The following B3GNT3 variants were observed in gnomAD, a reference collection of about 807,000 sequenced individuals.
B3GNT3 encodes UDP-GlcNAc:betaGal beta-1,3-N-acetylglucosaminyltransferase 3, also known as N-acetyllactosaminide beta-1,3-N-acetylglucosaminyltransferase 3.
B3GNT3 carries 7 observed loss-of-function variants against 11.6 expected under a neutral mutation model. The ratio of observed to expected loss-of-function variants is 0.60; its 90% CI spans 0.34 to 1.13. The LOEUF (loss-of-function observed/expected upper bound fraction) is 1.13, where lower values mean the gene tolerates loss of function less well. B3GNT3 is among the 50% of genes most tolerant of loss of function. The probability of loss-of-function intolerance (pLI) is 0.03; values close to 1 mark genes in which losing one functional copy is unlikely to be tolerated. For missense variants in B3GNT3, 400 were observed against 507.4 expected (o/e 0.79, Z 2.03); for synonymous variants, 201 against 222.1 (o/e 0.90, Z 0.85).
intron 1 of B3GNT3, among the ~76,000 whole-genome samples, chr19:17,798,691 G>T (rs1463298686): frequency 6.6e-6 from 1 of 151,380 alleles, no homozygotes; most frequent in African/African-American, 2.4e-5. Flanking sequence ...AAATCTAATT[G>T]TGGCTGGGTG....
chr19:17,803,155 GCCA>G (rs1221239684), intron 1 of B3GNT3, among the ~76,000 whole-genome samples: 1 of 152,050 alleles, frequency 6.6e-6, no homozygotes, highest in Non-Finnish European at 1.5e-5. Context: ...ACAGGCGTGT[GCCA>G]CCACACCTGG....
At chr19:17,809,388 A>C (rs1245425039) in intron 2 of B3GNT3, among the ~76,000 whole-genome samples, 1 of 152,012 alleles carries the variant, frequency 6.6e-6, no homozygotes, top group African/African-American at 2.4e-5. Flanking sequence ...AGCCTGAGCC[A>C]CATAGCGAGA....
intron 1 of B3GNT3, among the ~76,000 whole-genome samples, chr19:17,802,103 A>G (rs1389907849): frequency 6.6e-6 from 1 of 150,762 alleles, no homozygotes; most frequent in Non-Finnish European, 1.5e-5. Context: ...AAAAAAAAAA[A>G]TCATTGTAGA....
chr19:17,809,270 T>C (rs1219219801), intron 2 of B3GNT3, among the ~76,000 whole-genome samples: 2 of 151,946 alleles, frequency 1.3e-5, no homozygotes, highest in African/African-American at 4.8e-5. Context: ...ACCTTTTTGA[T>C]GGACAAGAAC....
At chr19:17,808,903 G>C (rs1054096207) in intron 2 of B3GNT3, among the ~76,000 whole-genome samples, 1 of 151,746 alleles carries the variant, frequency 6.6e-6, no homozygotes, top group South Asian at 2.1e-4. Context: ...GCAGTGGTGC[G>C]ATCTGGGCTT....
At chr19:17,799,540 T>C (rs993018845) in intron 1 of B3GNT3, among the ~76,000 whole-genome samples, 3 of 151,952 alleles carry the variant, frequency 2.0e-5, no homozygotes, top group African/African-American at 7.2e-5. Flanking sequence ...AGTGCTGGGA[T>C]TACAGGTGTG....
chr19:17,803,847 T>C (rs1018324100), intron 1 of B3GNT3, among the ~76,000 whole-genome samples: 3 of 137,462 alleles, frequency 2.2e-5, no homozygotes, highest in African/African-American at 5.9e-5. Context: ...AGTGAGATCC[T>C]ATCACTAAAA....
intron 1 of B3GNT3, among the ~76,000 whole-genome samples, chr19:17,803,800 A>G (rs2147649056): frequency 6.6e-6 from 1 of 151,844 alleles, no homozygotes; most frequent in South Asian, 2.1e-4. Context: ...GCAGTGAGCT[A>G]TGATCGCCAC....
At chr19:17,804,941 T>A (rs539720685) in intron 1 of B3GNT3, among the ~76,000 whole-genome samples, 1 of 151,196 alleles carries the variant, frequency 6.6e-6, no homozygotes, top group South Asian at 2.1e-4. Flanking sequence ...TCCACCTAGA[T>A]GTTACCCAAT....
intron 1 of B3GNT3, among the ~76,000 whole-genome samples, chr19:17,805,795 T>G (rs2094172304): frequency 6.6e-6 from 1 of 152,068 alleles, no homozygotes; most frequent in African/African-American, 2.4e-5. Context: ...ATTGTTAGTA[T>G]CATTTACAAT....
chr19:17,799,458 T>C (rs2094163308), intron 1 of B3GNT3, among the ~76,000 whole-genome samples: 1 of 151,790 alleles, frequency 6.6e-6, no homozygotes, highest in Non-Finnish European at 1.5e-5. Flanking sequence ...TTAGTAGAAA[T>C]GGGGTTTCAC....
At position 17,812,189 on chromosome 19, in the gene B3GNT3, G is replaced by A; in HGVS notation, c.*67G>A. The stretch of plus-strand genomic sequence containing the variant: ...AGGAAGGGGCGACACCTTCCTCCCA[G>A]GAAGCTGAGACCTTTGTGGTCTGAG... On this transcript the variant is annotated 3_prime_UTR_variant, in exon 3 of 3. Coordinates refer to ENST00000318683, the MANE Select transcript of B3GNT3 (RefSeq NM_014256.4). 6.8e-7 allele frequency: 1 copy of A among 1,477,372 alleles called. No individual in the cohort carries two copies. The highest frequency in any genetic ancestry group is 9.0e-7 in the Non-Finnish European group (1 of 1,115,968). The allele number at this position is 1,477,372 out of a possible 1,614,324, so 91.5% of individuals were successfully genotyped here. A position where few individuals can be genotyped will look rare whatever the true frequency, so the allele number is the denominator to read the frequency against.
intron 1 of B3GNT3, among the ~76,000 whole-genome samples, chr19:17,803,914 C>T (rs1388805659): frequency 6.6e-6 from 1 of 151,994 alleles, no homozygotes; most frequent in Admixed American, 6.6e-5. Context: ...GTAATCCCAG[C>T]GCTTTGGGAA....
rs370434428 is a variant in B3GNT3 at position 17,811,948 on chromosome 19, C to T, written c.945C>T (p.Ser315=). 3.8e-5 allele frequency: 61 copies of T among 1,611,266 alleles called. No individual in the cohort carries two copies. Among genetic ancestry groups the T allele is most frequent in the East Asian group, 1.8e-4 (8 of 44,884 alleles). The change falls in exon 3 of 3, where the codon AGC becomes AGT. Residue 315 remains serine, a synonymous_variant. Transcript: ENST00000318683. This position sits in a 1 kb window ranked among gnomAD's most constrained non-coding sequence, Gnocchi z 4.1. The stretch of plus-strand genomic sequence containing the variant: ...AGGGACTGAAGCCTGCCTCCCACAG[C>T]GGCATCCGCACGTCTGGCGTGCGGG... ...ELEGLKPASH[S]GIRTSGVRAP...
At chr19:17,804,533 C>CTTTGTTTTTTTT (rs2094170581) in intron 1 of B3GNT3, among the ~76,000 whole-genome samples, 1 of 57,014 alleles carries the variant, frequency 1.8e-5, no homozygotes, top group Non-Finnish European at 2.8e-5. Context: ...CCGTGCCCAG[C>CTTTGTTTTTTTT]TTTTTTTTTT....
Position 17,799,269 on chromosome 19 carries a change from C to CTT in B3GNT3, c.-51+4083_-51+4084dup, listed in dbSNP as rs35086710. On this transcript the variant is annotated intron_variant, in intron 1 of 2. Transcript: ENST00000318683. ...GGTGGTGGTTCTGCCACCATTCCAG[C>CTT]TTTTTTTTTTTTTTTTTTTTTGAGA... 2.8e-3 allele frequency among the ~76,000 whole-genome samples: 325 copies of CTT among 117,226 alleles called. 6 individuals carry two copies. The highest frequency in any genetic ancestry group is 7.3e-3 in the African/African-American group (205 of 28,006). The allele number at this position is 117,226 out of a possible 152,430, so 76.9% of individuals were successfully genotyped here.
At chr19:17,807,644 T>G in intron 1 of B3GNT3, 114 bp from the exon 2 acceptor site, 4 of 638,946 alleles carry the variant, frequency 6.3e-6, no homozygotes, top group South Asian at 2.2e-5. Flanking sequence ...AAGTGGGGGG[T>G]GAATTTCAAT....
At position 17,811,966 on chromosome 19, in the gene B3GNT3, C is replaced by T. The variant is rs139434564; in HGVS notation, c.963C>T (p.Gly321=). ...CCCACAGCGGCATCCGCACGTCTGG[C>T]GTGCGGGCTCCATCGCAACGCCTGT... The part of the protein sequence containing the change: ...PASHSGIRTS[G]VRAPSQRLSS... Residue 321 remains glycine (G), a synonymous_variant, in exon 3 of 3, where the codon GGC becomes GGT. Transcript: ENST00000318683. The surrounding 1 kb of genome is among the most constrained non-coding windows in gnomAD (Gnocchi z 4.1). 77 of 1,608,230 alleles carry T rather than the reference C, an allele frequency of 4.8e-5. No individual in the cohort carries two copies. The highest frequency in any genetic ancestry group is 3.4e-4 in the South Asian group (31 of 91,092).
In B3GNT3 at chr19:17,811,669, C is replaced by G; in HGVS notation, c.666C>G (p.Phe222Leu). ...DVFAHTDNMV[F>L]YLQDHDPGRH... ...TTGCACACACAGACAACATGGTCTTCTACCTGCAGGACCATGACCCTGGCC... is the reference window on the plus strand; with the variant it reads ...TTGCACACACAGACAACATGGTCTTGTACCTGCAGGACCATGACCCTGGCC... The change falls in exon 3 of 3, where the codon TTC (phenylalanine) becomes TTG (leucine). Residue 222 changes from phenylalanine (F) to leucine (L), a missense_variant. By Grantham distance (22) the Phe-to-Leu change is conservative (BLOSUM62 0). Transcript: ENST00000318683. The surrounding 1 kb of genome is among the most constrained non-coding windows in gnomAD (Gnocchi z 4.1). 6.2e-7 allele frequency: 1 copy of G among 1,614,268 alleles called. No individual in the cohort carries two copies. The highest frequency in any genetic ancestry group is 8.5e-7 in the Non-Finnish European group (1 of 1,180,052).
Sources: gnomAD v4.1 joint callset for allele counts (sites outside exome capture counted in the v4.1 genomes callset) on GRCh38, gnomAD v4.1.1 for gene constraint, Gnocchi (gnomAD v3.1) non-coding constraint, MANE v1.5 for transcripts, NCBI Gene and HGNC (gene_info 2026-07-23, HGNC 2026-07-21) for gene names.